Variants in RCL1 observed in about 807,000 individuals in gnomAD.
RCL1 encodes the protein RNA 3'-terminal phosphate cyclase-like protein.
RCL1 carries 24 observed loss-of-function variants against 42.4 expected under a neutral mutation model. The ratio of observed to expected loss-of-function variants is 0.57; its 90% CI spans 0.41 to 0.80. The LOEUF (loss-of-function observed/expected upper bound fraction) is 0.80. Among genes scored for constraint, RCL1 ranks in the 30% least tolerant of loss-of-function variants. The pLI is 0.00. For missense variants in RCL1, 578 were observed against 467.9 expected (o/e 1.24, Z -2.17); for synonymous variants, 228 against 177.3 (o/e 1.29, Z -2.27).
intron 8 of RCL1, among the ~76,000 whole-genome samples, chr9:4,854,035 T>G (rs1421079489): frequency 6.6e-6 from 1 of 152,196 alleles, no homozygotes; most frequent in Non-Finnish European, 1.5e-5. Context: ...ACAGTACCAC[T>G]ATGTCTTAGT....
Position 4,860,373 on chromosome 9 carries a change from A to G in RCL1, c.*98A>G. On this transcript the variant is annotated 3_prime_UTR_variant, in exon 9 of 9. Transcript: ENST00000381750. ...TCCAAATGGATTAATCCAGGACAGAATAGCCACTTGCTTAATTTTCTGTGA... is the reference window on the plus strand; with the variant it reads ...TCCAAATGGATTAATCCAGGACAGAGTAGCCACTTGCTTAATTTTCTGTGA... 1.6e-6 allele frequency: 2 copies of G among 1,238,810 alleles called. No homozygotes were observed. The highest frequency in any genetic ancestry group is 2.7e-5 in the East Asian group (1 of 36,640). The allele number at this position is 1,238,810 out of a possible 1,614,324, so 76.7% of individuals were successfully genotyped here.
chr9:4,818,794 C>A (rs532453104), intron 1 of RCL1, among the ~76,000 whole-genome samples: 1 of 151,068 alleles, frequency 6.6e-6, no homozygotes, highest in Admixed American at 6.6e-5. Flanking sequence ...ATTGGTTGAA[C>A]CCTGGAGGCG....
intron 3 of RCL1, among the ~76,000 whole-genome samples, chr9:4,827,558 T>C (rs1275864247): frequency 1.3e-5 from 2 of 152,192 alleles, no homozygotes; most frequent in African/African-American, 4.8e-5. Context: ...TTTGGTAGTT[T>C]GTGGGTGTCA....
intron 1 of RCL1, among the ~76,000 whole-genome samples, chr9:4,822,525 G>A (rs1470628631): frequency 6.6e-6 from 1 of 151,936 alleles, no homozygotes; most frequent in Non-Finnish European, 1.5e-5. Context: ...TTTAAACAAT[G>A]ACCAGCTTTT....
intron 8 of RCL1, among the ~76,000 whole-genome samples, chr9:4,857,931 C>CTTTTTTTTTTTTTTTTTTTTTTTT (rs34470773): frequency 9.7e-6 from 1 of 103,048 alleles, no homozygotes. Flanking sequence ...AGCTCTCCCA[C>CTTTTTTTTTTTTTTTTTTTTTTTT]TTTTTTTTTT....
rs186571216 is a variant in RCL1, at chr9:4,854,632, G to T, written c.971+5082G>T. Among the ~76,000 whole-genome samples the T allele has an allele frequency of 1.4e-3, 217 of 152,252 alleles. 4 individuals are homozygous for T. Among genetic ancestry groups the T allele is most frequent in the Admixed American group, 0.014 (209 of 15,298 alleles). On this transcript the variant is annotated intron_variant, in intron 8 of 8. Coordinates refer to ENST00000381750, the MANE Select transcript of RCL1 (RefSeq NM_005772.5). ...TCAAAAGAGGGGTCTGGTGGGAGGGGCTGTGTTTAAGGGTGGGATCTGGCA... is the reference window on the plus strand; with the variant it reads ...TCAAAAGAGGGGTCTGGTGGGAGGGTCTGTGTTTAAGGGTGGGATCTGGCA...
At chr9:4,814,830 G>T (rs1009799944) in intron 1 of RCL1, among the ~76,000 whole-genome samples, 1 of 151,450 alleles carries the variant, frequency 6.6e-6, no homozygotes, top group African/African-American at 2.4e-5. Flanking sequence ...AATTTCCTCA[G>T]TTTTTGCTTG....
rs1189428718 is a variant in RCL1 at position 4,793,138 on chromosome 9, T to C, written c.47T>C (p.Leu16Ser). Residue 16 changes from leucine (L) to serine (S), a missense_variant, in exon 1 of 9, where the codon TTG (leucine) becomes TCG (serine). Physicochemically the swap from Leu to Ser is moderately radical, Grantham distance 145. Coordinates refer to ENST00000381750, the MANE Select transcript of RCL1 (RefSeq NM_005772.5). ...HSLSYAGCNF[L>S]RQRLVLSTLS... Reference sequence around the variant, plus strand: ...CTCAGCTACGCAGGGTGCAACTTCTTGCGCCAACGTCTGGTCCTGTCTACC... The same window carrying C: ...CTCAGCTACGCAGGGTGCAACTTCTCGCGCCAACGTCTGGTCCTGTCTACC... 4 of 1,612,132 alleles carry C rather than the reference T, an allele frequency of 2.5e-6. No homozygotes were observed. In the East Asian group the frequency reaches 8.9e-5, roughly 36 times the overall value.
intron 1 of RCL1, among the ~76,000 whole-genome samples, chr9:4,807,341 CA>C (rs1201269107): frequency 5.9e-5 from 9 of 152,240 alleles, no homozygotes; most frequent in Non-Finnish European, 8.8e-5. Context: ...TGAGGTGGAG[CA>C]TAGATTATTG....
At chr9:4,829,042 G>A (rs1169706248) in intron 3 of RCL1, among the ~76,000 whole-genome samples, 1 of 152,128 alleles carries the variant, frequency 6.6e-6, no homozygotes, top group Non-Finnish European at 1.5e-5. Flanking sequence ...TCTACTCTCT[G>A]TGTACAAGGA....
chr9:4,800,644 G>A (rs1175198837), intron 1 of RCL1, among the ~76,000 whole-genome samples: 2 of 148,588 alleles, frequency 1.3e-5, no homozygotes, highest in Non-Finnish European at 3.0e-5. Flanking sequence ...GTTTTCCAGT[G>A]TGGATGTATT....
chr9:4,824,015 T>A (rs1816678672), intron 2 of RCL1, among the ~76,000 whole-genome samples: 1 of 152,164 alleles, frequency 6.6e-6, no homozygotes, highest in Non-Finnish European at 1.5e-5. Context: ...TACATTTGAT[T>A]TAAGGAAGTT....
intron 1 of RCL1, among the ~76,000 whole-genome samples, chr9:4,817,329 A>G (rs1816417058): frequency 6.6e-6 from 1 of 152,084 alleles, no homozygotes; most frequent in African/African-American, 2.4e-5. Context: ...ATCGTTTACC[A>G]TAAAGCTCTT....
chr9:4,843,730 CTTG>C (rs1190919274), intron 6 of RCL1, among the ~76,000 whole-genome samples: 1 of 152,162 alleles, frequency 6.6e-6, no homozygotes, highest in Non-Finnish European at 1.5e-5. Context: ...GCAGTGGCAC[CTTG>C]TCTTGCTTTC....
At chr9:4,827,314 A>G in intron 3 of RCL1, 1 of 1,152,966 alleles carries the variant, frequency 8.7e-7, no homozygotes, top group Non-Finnish European at 1.2e-6. Flanking sequence ...GTTGACATGA[A>G]CTATAGTTCT....
intron 6 of RCL1, 68 bp from the exon 7 acceptor site, chr9:4,844,457 C>A: frequency 8.2e-7 from 1 of 1,215,652 alleles, no homozygotes; most frequent in South Asian, 1.5e-5. Context: ...TCTTCTCTTT[C>A]CGTTTGCTGG....
chr9:4,839,857 A>G (rs926127708), intron 5 of RCL1: 7 of 985,392 alleles, frequency 7.1e-6, no homozygotes, highest in Non-Finnish European at 7.2e-6. Flanking sequence ...AGAGAGATGT[A>G]TGGTAAGTTC....
chr9:4,793,145 A>C lies in RCL1; in HGVS notation c.54A>C (p.Gln18His), dbSNP rs893729732. 4 of 1,612,230 alleles carry C rather than the reference A, an allele frequency of 2.5e-6. No individual in the cohort carries two copies. The highest frequency in any genetic ancestry group is 3.4e-6 in the Non-Finnish European group (4 of 1,179,348). The change falls in exon 1 of 9, where the codon CAA (glutamine) becomes CAC (histidine). Residue 18 changes from glutamine (Q) to histidine (H), a missense_variant. Transcript: ENST00000381750. ...ACGCAGGGTGCAACTTCTTGCGCCA[A>C]CGTCTGGTCCTGTCTACCCTGAGCG... Reference protein sequence around the residue: ...LSYAGCNFLRQRLVLSTLSGR... With the variant: ...LSYAGCNFLRHRLVLSTLSGR...
intron 1 of RCL1, among the ~76,000 whole-genome samples, chr9:4,817,639 G>C (rs1329635502): frequency 6.6e-6 from 1 of 151,612 alleles, no homozygotes; most frequent in African/African-American, 2.4e-5. Context: ...TGGGGCTACT[G>C]GTGTGCGCCA....
Sources: allele counts gnomAD v4.1 joint callset (sites outside exome capture counted in the v4.1 genomes callset), GRCh38; gene constraint gnomAD v4.1.1; transcripts MANE v1.5; gene names NCBI Gene and HGNC (gene_info 2026-07-23, HGNC 2026-07-21).